The following POMZP3 variants were observed in gnomAD, a reference collection of about 807,000 sequenced individuals.
POMZP3 encodes the protein POM121 and ZP3 fusion.
POMZP3 carries 10 observed loss-of-function variants against 19.8 expected under a neutral mutation model. That is an observed-to-expected ratio of 0.51 (90% CI 0.31 to 0.86). The LOEUF is 0.86. Among genes scored for constraint, POMZP3 ranks in the 40% least tolerant of loss-of-function variants. The pLI is 0.04. For missense variants in POMZP3, 152 were observed against 228.1 expected, an observed-to-expected ratio of 0.67 and a Z score of 2.15; for synonymous variants, 57 against 85.8, an observed-to-expected ratio of 0.66 and a Z score of 1.85.
chr7:76,615,027 A>C (rs916987606), intron 4 of POMZP3, among the ~76,000 whole-genome samples: 2 of 122,950 alleles, frequency 1.6e-5, no homozygotes, highest in Non-Finnish European at 3.5e-5. Flanking sequence ...TATTGCTCTG[A>C]AATAGGGTTG....
chr7:76,625,901 C>A, intron 2 of POMZP3, 99 bp downstream of exon 2: 1 of 1,547,056 alleles, frequency 6.5e-7, no homozygotes, highest in African/African-American at 1.4e-5. Context: ...CAGATTCGTC[C>A]TTTCTTTTTT....
In POMZP3 at chr7:76,620,861, ATTTTTTTT is replaced by A. The variant is rs56084078; in HGVS notation, c.228-2569_228-2562del. Among the ~76,000 whole-genome samples, 14 of 76,198 alleles carry A rather than the reference ATTTTTTTT, an allele frequency of 1.8e-4. No individual in the cohort carries two copies. The East Asian group carries it at 2.4e-3, about 13-fold the overall frequency. The allele number at this position is 76,198 out of a possible 152,430, so 50.0% of individuals were successfully genotyped here. A position where few individuals can be genotyped will look rare whatever the true frequency, so the allele number is the denominator to read the frequency against. Reference sequence around the variant, plus strand: ...GTTTACTCCTCAGGGCTGTAAAGCCATTTTTTTTTTTTTTTTTTTTTTTTTGAGACAGA... The same window carrying A: ...GTTTACTCCTCAGGGCTGTAAAGCCATTTTTTTTTTTTTTTTTGAGACAGA... On this transcript the variant is annotated intron_variant, in intron 3 of 6. Coordinates refer to ENST00000310842, the MANE Select transcript of POMZP3 (RefSeq NM_012230.5).
intron 4 of POMZP3, among the ~76,000 whole-genome samples, chr7:76,614,879 T>G (rs1815238132): frequency 1.1e-5 from 1 of 88,854 alleles, no homozygotes; most frequent in Non-Finnish European, 2.2e-5. Context: ...AAAAAAAAAG[T>G]ACACAGGGTC....
intron 3 of POMZP3, among the ~76,000 whole-genome samples, chr7:76,619,189 G>T (rs1754212): frequency 0.01 from 1,549 of 152,046 alleles, 29 homozygotes; most frequent in Admixed American, 0.042. Flanking sequence ...ACATAAGGTC[G>T]GGAGTTTGGC....
rs1815882394 is a variant in POMZP3 at position 76,626,165 on chromosome 7, T to C, written c.-101A>G. The C allele has an allele frequency of 1.3e-6, 2 of 1,597,502 alleles. No homozygotes were observed. Among genetic ancestry groups the C allele is most frequent in the East Asian group, 4.5e-5 (2 of 44,020 alleles). ...GGAATACTGGGCCTGATGGATCGGATAGCGTCTTCGAGGTGTTATTACAAA... is the reference window on the plus strand; with the variant it reads ...GGAATACTGGGCCTGATGGATCGGACAGCGTCTTCGAGGTGTTATTACAAA... On this transcript the variant is annotated 5_prime_UTR_variant, in exon 2 of 7. Transcript: ENST00000310842.
rs1344729291 is a variant in POMZP3, at chr7:76,615,996, G to A, written c.345+2187C>T. On this transcript the variant is annotated intron_variant, in intron 4 of 6. Transcript: ENST00000310842. ...CTCAAAAAAAAAAAAAAAAGGGGGGGGGGGCAGGTGGCACGTGGTGGTTCA... is the reference window on the plus strand; with the variant it reads ...CTCAAAAAAAAAAAAAAAAGGGGGGAGGGGCAGGTGGCACGTGGTGGTTCA... Among the ~76,000 whole-genome samples the A allele has an allele frequency of 7.4e-5, 5 of 67,848 alleles. 2 individuals carry two copies. The highest frequency in any genetic ancestry group is 1.5e-4 in the Non-Finnish European group (5 of 34,084). The allele number at this position is 67,848 out of a possible 152,430, so 44.5% of individuals were successfully genotyped here.
At chr7:76,620,225 G>A (rs1815476017) in intron 3 of POMZP3, among the ~76,000 whole-genome samples, 1 of 87,918 alleles carries the variant, frequency 1.1e-5, no homozygotes, top group Non-Finnish European at 2.4e-5. Flanking sequence ...CTACTTGGGA[G>A]GCTGAGGCAG....
rs763022093 is a variant in POMZP3 at position 76,625,598 on chromosome 7, G to A, written c.151C>T (p.Leu51Phe). The change falls in exon 3 of 7, where the codon CTC (leucine) becomes TTC (phenylalanine). Residue 51 changes from leucine to phenylalanine, a missense_variant. Around this residue, in one of 4 missense-constraint regions of POMZP3, gnomAD observed 70 missense variants for 64.1 expected, o/e 1.09. Coordinates refer to ENST00000310842, the MANE Select transcript of POMZP3 (RefSeq NM_012230.5). ...GTCCTTTTCTTCTTCTTCTCTTTGA[G>A]GGCACTCAGTACAGTCTCCTTTGCA... ...PCAKETVLSA[L>F]KEKKKKRTVE... is the part of the protein sequence containing the mutation. The A allele has an allele frequency of 2.5e-6, 4 of 1,613,500 alleles. No individual in the cohort carries two copies. Among genetic ancestry groups the A allele is most frequent in the South Asian group, 1.1e-5 (1 of 91,046 alleles).
chr7:76,623,185 GT>G (rs71521144), intron 3 of POMZP3, among the ~76,000 whole-genome samples: 37,169 of 147,342 alleles, frequency 0.25, 5,072 homozygotes, highest in Middle Eastern at 0.47. Flanking sequence ...ATTGATTGTG[GT>G]TTTTTTTTTT....
rs765137532 is a variant in POMZP3 at position 76,626,014 on chromosome 7, A to G, written c.51T>C (p.Phe17=). 12 of 1,613,884 alleles carry G rather than the reference A, an allele frequency of 7.4e-6. No individual in the cohort carries two copies. Among genetic ancestry groups the G allele is most frequent in the Non-Finnish European group, 9.3e-6 (11 of 1,179,780 alleles). Residue 17 remains phenylalanine (F), a synonymous_variant, in exon 2 of 7, where the codon TTT becomes TTC. Coordinates refer to ENST00000310842, the MANE Select transcript of POMZP3 (RefSeq NM_012230.5). ...ATAATACTCACATCGCAGAACGCGA[A>G]AATCTTCTGTCAGGAGGGGCGATCC... is the stretch of plus-strand genomic sequence containing the variant. ...TLRIAPPDRR[F]SRSAIPEQII... is the part of the protein sequence containing the mutation.
At chr7:76,610,665 G>A (rs986594685) in intron 6 of POMZP3, among the ~76,000 whole-genome samples, 14 of 150,824 alleles carry the variant, frequency 9.3e-5, no homozygotes, top group Non-Finnish European at 1.6e-4. Flanking sequence ...GCAGGGGAGG[G>A]GGAAGAAAAA....
chr7:76,625,997 C>G lies in POMZP3; in HGVS notation c.65+3G>C. 1 of 1,613,744 alleles carries G rather than the reference C, an allele frequency of 6.2e-7. No homozygotes were observed. Among genetic ancestry groups the G allele is most frequent in the Non-Finnish European group, 8.5e-7 (1 of 1,179,742 alleles). Reference sequence around the variant, plus strand: ...AGAGTATTCTTCCAACGATAATACTCACATCGCAGAACGCGAAAATCTTCT... The same window carrying G: ...AGAGTATTCTTCCAACGATAATACTGACATCGCAGAACGCGAAAATCTTCT... On this transcript the variant is annotated splice_donor_region_variant and intron_variant, in intron 2 of 6. Coordinates refer to ENST00000310842, the MANE Select transcript of POMZP3 (RefSeq NM_012230.5).
chr7:76,624,746 A>C (rs1815769318), intron 3 of POMZP3, among the ~76,000 whole-genome samples: 1 of 150,842 alleles, frequency 6.6e-6, no homozygotes, highest in Non-Finnish European at 1.5e-5. Context: ...TTGCCCTTCC[A>C]GGAAATTGGT....
intron 3 of POMZP3, among the ~76,000 whole-genome samples, chr7:76,622,667 T>A (rs549229488): frequency 3.0e-4 from 46 of 151,204 alleles, no homozygotes; most frequent in African/African-American, 1.0e-3. Flanking sequence ...TCTGGCCCAT[T>A]CTCAAGTTTT....
At chr7:76,620,528 G>A (rs571003942) in intron 3 of POMZP3, among the ~76,000 whole-genome samples, 6 of 150,116 alleles carry the variant, frequency 4.0e-5, no homozygotes, top group Non-Finnish European at 7.4e-5. Flanking sequence ...GAGTGCAATG[G>A]TATGATCCCG....
chr7:76,620,247 G>A (rs1310043716), intron 3 of POMZP3, among the ~76,000 whole-genome samples: 5 of 85,018 alleles, frequency 5.9e-5, no homozygotes, highest in Non-Finnish European at 1.2e-4. Flanking sequence ...AGAATGGCGC[G>A]AACCCGGGAG....
chr7:76,623,142 A>AATTAC (rs1815665814), intron 3 of POMZP3, among the ~76,000 whole-genome samples: 1 of 151,260 alleles, frequency 6.6e-6, no homozygotes, highest in South Asian at 2.1e-4. Context: ...AAAGTGCTGA[A>AATTAC]ATTACAGGTG....
chr7:76,619,247 G>A (rs1815414335), intron 3 of POMZP3, among the ~76,000 whole-genome samples: 1 of 152,222 alleles, frequency 6.6e-6, no homozygotes, highest in South Asian at 2.1e-4. Flanking sequence ...AATTAGCCAG[G>A]CGTGGTGGCA....
rs367893419 is a variant in POMZP3, at chr7:76,611,414, A to G, written c.*11+40T>C. The stretch of plus-strand genomic sequence containing the variant: ...TGACAGCAGGTACCCTCAACTGAGT[A>G]AGGGACAATGAACAGCCTCTTGGCC... On this transcript the variant is annotated intron_variant, in intron 6 of 6. Transcript: ENST00000310842. 414 of 1,521,310 alleles carry G rather than the reference A, an allele frequency of 2.7e-4. 4 individuals carry two copies. In the African/African-American group the frequency reaches 5.6e-3, roughly 20 times the overall value. The allele number at this position is 1,521,310 out of a possible 1,614,324, so 94.2% of individuals were successfully genotyped here. A position where few individuals can be genotyped will look rare whatever the true frequency, so the allele number is the denominator to read the frequency against.
Sources: gnomAD v4.1 joint callset for allele counts (sites outside exome capture counted in the v4.1 genomes callset) on GRCh38, gnomAD v4.1.1 for gene constraint, gnomAD v4.1.1 regional missense constraint, MANE v1.5 for transcripts, NCBI Gene and HGNC (gene_info 2026-07-23, HGNC 2026-07-21) for gene names.